Variants in EDARADD observed in about 807,000 individuals in gnomAD.
EDARADD encodes the protein EDAR associated via death domain.
EDARADD carries 20 observed loss-of-function variants against 25.6 expected under a neutral mutation model. The observed-to-expected ratio is 0.78, with a 90% confidence interval of 0.55 to 1.14. The LOEUF is 1.14. Among genes scored for constraint, EDARADD ranks in the 50% most tolerant of loss-of-function variants. The pLI, the probability that EDARADD is intolerant of heterozygous loss-of-function variation, is 0.00. For synonymous variants in EDARADD, 86 were observed against 94.4 expected (o/e 0.91, Z 0.52); for missense variants, 225 against 270.1 (o/e 0.83, Z 1.17).
rs34203493 is a variant in EDARADD at position 236,482,046 on chromosome 1, C to T, written c.266-221C>T. ...GAGAATGGCGTGAACCCCTGGGAGG[C>T]GGAGCTTGCAGTGAGCCGAGATAGT... On this transcript the variant is annotated intron_variant, in intron 5 of 5. Transcript: ENST00000334232. 0.18 allele frequency among the ~76,000 whole-genome samples: 25,672 copies of T among 146,412 alleles called. 2,756 individuals carry two copies. Among genetic ancestry groups the T allele is most frequent in the Middle Eastern group, 0.25 (69 of 276 alleles).
At chr1:236,366,848 G>C (rs1667116880) in intron 3 of EDARADD, among the ~76,000 whole-genome samples, 1 of 151,656 alleles carries the variant, frequency 6.6e-6, no homozygotes, top group South Asian at 2.1e-4. Context: ...AGCCCGAGGT[G>C]GGCGGATCAC....
intron 1 of EDARADD, among the ~76,000 whole-genome samples, chr1:236,400,603 G>A (rs1667596846): frequency 6.6e-6 from 1 of 151,972 alleles, no homozygotes; most frequent in African/African-American, 2.4e-5. Context: ...CACTCAGGCT[G>A]GAGTGCAATG....
Position 236,361,487 on chromosome 1 carries a change from A to G in EDARADD, c.-6+10648A>G, listed in dbSNP as rs190948337. Among the ~76,000 whole-genome samples the G allele has an allele frequency of 6.2e-3, 933 of 151,396 alleles. 9 individuals are homozygous for G. Among genetic ancestry groups the G allele is most frequent in the African/African-American group, 0.021 (875 of 41,188 alleles). On this transcript the variant is annotated intron_variant, in intron 3 of 7. Transcript: ENST00000439430. The stretch of plus-strand genomic sequence containing the variant: ...TGGAATTACAGGTGCCCACCACCAC[A>G]CCCAGCTAATTTTTGTATTTTTAGT...
upstream of EDARADD, among the ~76,000 whole-genome samples, chr1:236,391,382 G>C (rs1215802126): frequency 6.6e-6 from 1 of 152,160 alleles, no homozygotes; most frequent in East Asian, 1.9e-4. Context: ...ACAACTGTCT[G>C]TTCCAAAAAT....
intron 5 of EDARADD, among the ~76,000 whole-genome samples, chr1:236,472,344 C>T (rs1438520809): frequency 6.6e-6 from 1 of 152,150 alleles, no homozygotes; most frequent in Admixed American, 6.5e-5. Context: ...CCTGGCTGCA[C>T]ATTAGAAGTC....
At chr1:236,360,172 ATTAG>A (rs1248904284) in intron 3 of EDARADD, among the ~76,000 whole-genome samples, 1 of 152,204 alleles carries the variant, frequency 6.6e-6, no homozygotes, top group East Asian at 1.9e-4. Context: ...TTAAAAAAAA[ATTAG>A]TTAGATGTGG....
At chr1:236,476,374 T>C (rs1348416113) in intron 5 of EDARADD, among the ~76,000 whole-genome samples, 1 of 152,110 alleles carries the variant, frequency 6.6e-6, no homozygotes, top group African/African-American at 2.4e-5. Context: ...AATCCTTATT[T>C]TTCTATGACA....
intron 4 of EDARADD, among the ~76,000 whole-genome samples, chr1:236,432,335 A>G (rs957891204): frequency 6.6e-6 from 1 of 151,762 alleles, no homozygotes; most frequent in African/African-American, 2.4e-5. Context: ...GTTGCAGGGA[A>G]TGGAAATCGT....
intron 4 of EDARADD, among the ~76,000 whole-genome samples, chr1:236,444,726 C>T (rs1658486639): frequency 2.0e-5 from 3 of 152,118 alleles, no homozygotes; most frequent in African/African-American, 7.2e-5. Context: ...GCCTGACCAA[C>T]TCTACAATGT....
chr1:236,467,059 C>G (rs957290180), intron 4 of EDARADD, among the ~76,000 whole-genome samples: 20 of 147,762 alleles, frequency 1.4e-4, no homozygotes, highest in African/African-American at 4.7e-4. Context: ...GAGCAAGACT[C>G]CGTCTCAAAA....
intron 3 of EDARADD, among the ~76,000 whole-genome samples, chr1:236,421,752 G>A (rs586816): frequency 0.57 from 85,685 of 151,604 alleles, 26,657 homozygotes; most frequent in Non-Finnish European, 0.7. Context: ...TGATCTACCC[G>A]CATTGGCCTC....
chr1:236,409,664 C>T (rs1439526057), intron 2 of EDARADD, among the ~76,000 whole-genome samples: 2 of 151,788 alleles, frequency 1.3e-5, no homozygotes, highest in Non-Finnish European at 2.9e-5. Flanking sequence ...CAGGTTCAAG[C>T]GATTCTCCTG....
chr1:236,466,913 A>G (rs1157441510), intron 4 of EDARADD, among the ~76,000 whole-genome samples: 2 of 152,084 alleles, frequency 1.3e-5, no homozygotes, highest in Non-Finnish European at 2.9e-5. Context: ...CTAAAAATAC[A>G]AAAATTAGCC....
At chr1:236,407,842 G>A (rs1667764771) in intron 1 of EDARADD, among the ~76,000 whole-genome samples, 3 of 152,220 alleles carry the variant, frequency 2.0e-5, no homozygotes, top group Admixed American at 1.3e-4. Flanking sequence ...GCCTTTTTCC[G>A]TATTTCCCCT....
chr1:236,376,075 C>T (rs1667220776), intron 3 of EDARADD, among the ~76,000 whole-genome samples: 1 of 151,374 alleles, frequency 6.6e-6, no homozygotes, highest in South Asian at 2.1e-4. Flanking sequence ...ACTGGGATTA[C>T]AGGCATGCAC....
At chr1:236,399,934 C>T (rs1222981142) in intron 1 of EDARADD, among the ~76,000 whole-genome samples, 1 of 152,234 alleles carries the variant, frequency 6.6e-6, no homozygotes, top group Non-Finnish European at 1.5e-5. Flanking sequence ...CACTGCCCCT[C>T]CTGTGGGCTT....
At chr1:236,370,635 G>A (rs540109992) in intron 3 of EDARADD, among the ~76,000 whole-genome samples, 2 of 152,278 alleles carry the variant, frequency 1.3e-5, no homozygotes, top group African/African-American at 4.8e-5. Flanking sequence ...CTGTCTTCTT[G>A]CACTGAGTCA....
chr1:236,467,103 C>T (rs942895717), intron 4 of EDARADD, among the ~76,000 whole-genome samples: 2 of 151,736 alleles, frequency 1.3e-5, no homozygotes, highest in African/African-American at 4.8e-5. Context: ...CACACATTGA[C>T]ACCAGGACGG....
At chr1:236,419,461 A>G (rs1022941299) in intron 3 of EDARADD, among the ~76,000 whole-genome samples, 1 of 145,726 alleles carries the variant, frequency 6.9e-6, no homozygotes, top group African/African-American at 2.4e-5. Flanking sequence ...AAAGCACTTT[A>G]AAGAAATCTG....
Sources: allele counts gnomAD v4.1 joint callset (sites outside exome capture counted in the v4.1 genomes callset), GRCh38; gene constraint gnomAD v4.1.1; transcripts MANE v1.5; gene names NCBI Gene and HGNC (gene_info 2026-07-23, HGNC 2026-07-21).